The following PCDHGB4 variants were observed in gnomAD, a reference collection of about 807,000 sequenced individuals.
The protein encoded by PCDHGB4 is protocadherin gamma subfamily B, 4.
A neutral mutation model predicts 60.5 loss-of-function variants in PCDHGB4; 38 were observed. That is an observed-to-expected ratio of 0.63 (90% CI 0.48 to 0.82). PCDHGB4 has a LOEUF of 0.82. Among genes scored for constraint, PCDHGB4 ranks in the 40% least tolerant of loss-of-function variants. The pLI, the probability that PCDHGB4 is intolerant of heterozygous loss-of-function variation, is 0.00. For synonymous variants in PCDHGB4, 456 were observed against 509.7 expected (o/e 0.89, Z 1.42); for missense variants, 1,109 against 1,209.6 (o/e 0.92, Z 1.23).
Position 141,389,883 on chromosome 5 carries a change from C to A in PCDHGB4, c.1999C>A (p.Gln667Lys). The A allele has an allele frequency of 6.2e-7, 1 of 1,614,084 alleles. No individual in the cohort carries two copies. Residue 667 changes from glutamine to lysine, a missense_variant, in exon 1 of 4, where the codon CAG becomes AAG. Coordinates refer to ENST00000519479, the MANE Select transcript of PCDHGB4 (RefSeq NM_003736.4). Reference sequence around the variant, plus strand: ...GCACCTGGTCTTCGCCGACAGCTTGCAGGAGGTGCTGCCGGATATCACTGA... The same window carrying A: ...GCACCTGGTCTTCGCCGACAGCTTGAAGGAGGTGCTGCCGGATATCACTGA... ...TLHLVFADSL[Q>K]EVLPDITDRP...
chr5:141,389,183 T>C lies in PCDHGB4; in HGVS notation c.1299T>C (p.Ser433=). The change falls in exon 1 of 4, where the codon AGT becomes AGC. Residue 433 remains serine (S), a synonymous_variant. Coordinates refer to ENST00000519479, the MANE Select transcript of PCDHGB4 (RefSeq NM_003736.4). ...TDRGKPPLSS[S]SSITLHIGDV... The stretch of plus-strand genomic sequence containing the variant: ...GGGGCAAGCCTCCCCTCTCCTCCAG[T>C]TCCAGCATCACCCTGCACATTGGTG... The C allele has an allele frequency of 6.2e-7, 1 of 1,613,988 alleles. No homozygotes were observed.
chr5:141,494,937 G>C (rs759078748), intron 2 of PCDHGB4, 72 bp downstream of exon 2: 1 of 1,612,276 alleles, frequency 6.2e-7, no homozygotes, highest in African/African-American at 1.3e-5. Flanking sequence ...GAGGAGATGG[G>C]GGAGGGCCCA....
Position 141,432,089 on chromosome 5 carries a change from G to A in PCDHGB4, c.2397+41808G>A, listed in dbSNP as rs1325165974. On this transcript the variant is annotated intron_variant, in intron 1 of 3. Transcript: ENST00000519479. The surrounding 1 kb of genome is among the most constrained non-coding windows in gnomAD (Gnocchi z 6.0). Reference sequence around the variant, plus strand: ...AACTCATATCTCGCTGAACGTGGCAGACACCAACGACAACCCGCCGGTCTT... The same window carrying A: ...AACTCATATCTCGCTGAACGTGGCAAACACCAACGACAACCCGCCGGTCTT... The A allele has an allele frequency of 6.2e-7, 1 of 1,614,046 alleles. No homozygotes were observed. Among genetic ancestry groups the A allele is most frequent in the Non-Finnish European group, 8.5e-7 (1 of 1,180,052 alleles).
chr5:141,422,670 C>CA (rs754910458), intron 1 of PCDHGB4: 6 of 1,607,126 alleles, frequency 3.7e-6, no homozygotes, highest in Non-Finnish European at 1.7e-6. Flanking sequence ...TCGACCCGGA[C>CA]AGCAAACAGA....
intron 1 of PCDHGB4, chr5:141,410,095 C>T (rs2095356889): frequency 1.2e-6 from 2 of 1,612,676 alleles, no homozygotes; most frequent in Non-Finnish European, 1.7e-6. Flanking sequence ...CGGCTCGAGC[C>T]TTAGGCGACA....
chr5:141,404,695 TGCAGAGCC>T, intron 1 of PCDHGB4: 1 of 1,614,122 alleles, frequency 6.2e-7, no homozygotes, highest in Non-Finnish European at 8.5e-7. Flanking sequence ...CACCCCGCTC[TGCAGAGCC>T]TGGCTACCTG....
At chr5:141,488,438 C>T (rs2099675393) in intron 1 of PCDHGB4, among the ~76,000 whole-genome samples, 1 of 152,146 alleles carries the variant, frequency 6.6e-6, no homozygotes, top group African/African-American at 2.4e-5. Flanking sequence ...CTCTGACCAC[C>T]CTCCTGGGTG....
intron 1 of PCDHGB4, chr5:141,422,152 G>A (rs979405624): frequency 1.3e-5 from 20 of 1,575,764 alleles, no homozygotes; most frequent in Non-Finnish European, 1.5e-5. Flanking sequence ...GGGGTCTCTG[G>A]ATTTTGAAAA....
At chr5:141,488,031 A>G (rs1475176300) in intron 1 of PCDHGB4, among the ~76,000 whole-genome samples, 1 of 152,122 alleles carries the variant, frequency 6.6e-6, no homozygotes, top group Non-Finnish European at 1.5e-5. Context: ...CTAGGTTACC[A>G]TTTCCCAAGG....
chr5:141,394,073 C>T (rs762892708), intron 1 of PCDHGB4: 14 of 1,613,718 alleles, frequency 8.7e-6, no homozygotes, highest in Non-Finnish European at 1.1e-5. Flanking sequence ...TCTACAATAT[C>T]ACAGTGATGG....
chr5:141,470,035 G>A lies in PCDHGB4; in HGVS notation c.2398-24772G>A, dbSNP rs761812438. ...TCCCAGCTACTCGGGATGCTGAGGC[G>A]CGAGAACTGTTTGAACCCCGGAGGC... On this transcript the variant is annotated intron_variant, in intron 1 of 3. Transcript: ENST00000519479. Among the ~76,000 whole-genome samples, 97 of 152,224 alleles carry A rather than the reference G, an allele frequency of 6.4e-4. 2 individuals carry two copies. Among genetic ancestry groups the A allele is most frequent in the East Asian group, 1.2e-3 (6 of 5,170 alleles).
intron 1 of PCDHGB4, among the ~76,000 whole-genome samples, chr5:141,494,341 G>C (rs565090556): frequency 9.2e-5 from 14 of 152,352 alleles, no homozygotes; most frequent in Admixed American, 9.1e-4. Context: ...ACCAAGAACA[G>C]CAGCCATCTT....
intron 1 of PCDHGB4, chr5:141,430,896 G>A: frequency 6.2e-7 from 1 of 1,606,012 alleles, no homozygotes; most frequent in Admixed American, 1.7e-5. Context: ...TCTAGGGTGG[G>A]CGACATCTCC....
At chr5:141,403,365 T>C in intron 1 of PCDHGB4, 1 of 1,614,024 alleles carries the variant, frequency 6.2e-7, no homozygotes, top group Non-Finnish European at 8.5e-7. Flanking sequence ...GCCGAAAGTC[T>C]GGAAGTAAAA....
Position 141,491,586 on chromosome 5 carries a change from G to T in PCDHGB4, c.2398-3221G>T, listed in dbSNP as rs373990387. ...ACAGGACGTGCTTTTCACCGGCCTC[G>T]GACGGCAGTGACTTCACTTTTCTAA... On this transcript the variant is annotated intron_variant, in intron 1 of 3. Transcript: ENST00000519479. This position sits in a 1 kb window ranked among gnomAD's most constrained non-coding sequence, Gnocchi z 6.9. 2.1e-5 allele frequency: 34 copies of T among 1,613,792 alleles called. No individual in the cohort carries two copies. In the African/African-American group the frequency reaches 2.4e-4, roughly 11 times the overall value.
At chr5:141,403,281 T>A in intron 1 of PCDHGB4, 1 of 1,613,908 alleles carries the variant, frequency 6.2e-7, no homozygotes, top group Non-Finnish European at 8.5e-7. Context: ...AAAGTCCTGG[T>A]TGAAGACAGA....
At chr5:141,394,733 G>A (rs1353984219) in intron 1 of PCDHGB4, 1 of 1,613,324 alleles carries the variant, frequency 6.2e-7, no homozygotes, top group South Asian at 1.1e-5. Flanking sequence ...CGCTCAAGCA[G>A]AGCCTCGTGG....
intron 1 of PCDHGB4, among the ~76,000 whole-genome samples, chr5:141,457,343 T>C (rs1372992422): frequency 6.6e-6 from 1 of 152,240 alleles, no homozygotes; most frequent in African/African-American, 2.4e-5. Flanking sequence ...TTACTTACTT[T>C]CATTACCTGG....
intron 1 of PCDHGB4, among the ~76,000 whole-genome samples, chr5:141,459,613 C>T (rs1040874685): frequency 2.6e-5 from 4 of 152,188 alleles, no homozygotes; most frequent in African/African-American, 9.7e-5. Context: ...ATATGCTTAA[C>T]TTTATAAGAA....
Sources: gnomAD v4.1 joint callset for allele counts (sites outside exome capture counted in the v4.1 genomes callset) on GRCh38, gnomAD v4.1.1 for gene constraint, Gnocchi (gnomAD v3.1) non-coding constraint, MANE v1.5 for transcripts, NCBI Gene and HGNC (gene_info 2026-07-23, HGNC 2026-07-21) for gene names.